The following CNTNAP2 variants were observed in gnomAD, a reference collection of about 807,000 sequenced individuals.
The protein encoded by CNTNAP2 is contactin associated protein 2.
In CNTNAP2, 98 loss-of-function variants were observed where a neutral mutation model predicts 155.2. The observed-to-expected ratio is 0.63, with a 90% CI of 0.54 to 0.75. The LOEUF is 0.75. Among genes scored for constraint, CNTNAP2 ranks in the 30% least tolerant of loss-of-function variants. The pLI is 0.00. For synonymous variants in CNTNAP2, 651 were observed against 631.2 expected (o/e 1.03, Z -0.47); for missense variants, 1,727 against 1,688.1 (o/e 1.02, Z -0.40).
At chr7:146,704,086 TAAGAG>T (rs1294400357) in intron 1 of CNTNAP2, among the ~76,000 whole-genome samples, 1 of 152,158 alleles carries the variant, frequency 6.6e-6, no homozygotes, top group African/African-American at 2.4e-5. Context: ...AATGCAGCTC[TAAGAG>T]AAAAGAACAA....
intron 1 of CNTNAP2, among the ~76,000 whole-genome samples, chr7:146,622,523 A>G (rs1347365880): frequency 6.6e-6 from 1 of 152,084 alleles, no homozygotes; most frequent in Non-Finnish European, 1.5e-5. Context: ...GTTTGTATGT[A>G]TATTCATCTG....
At chr7:148,113,313 A>G (rs755519831) in intron 15 of CNTNAP2, among the ~76,000 whole-genome samples, 12 of 152,266 alleles carry the variant, frequency 7.9e-5, no homozygotes, top group Middle Eastern at 3.4e-3. Flanking sequence ...GGAGCAAGAG[A>G]GAGAAGGGAA....
At position 148,367,239 on chromosome 7, in the gene CNTNAP2, AT is replaced by A. The variant is rs201170889; in HGVS notation, c.3476-16409del. On this transcript the variant is annotated intron_variant, in intron 21 of 23. Coordinates refer to ENST00000361727, the MANE Select transcript of CNTNAP2 (RefSeq NM_014141.6). ...AACAAGACTCTGTCTCAAAAAAAAA[AT>A]AAAAGAAAAGAAAAACCATCACATA... Among the ~76,000 whole-genome samples, 636 of 150,056 alleles carry A rather than the reference AT, an allele frequency of 4.2e-3. 1 individual carries two copies. The highest frequency in any genetic ancestry group is 0.013 in the African/African-American group (535 of 40,892).
chr7:147,954,803 G>A (rs1800992127), intron 14 of CNTNAP2, among the ~76,000 whole-genome samples: 1 of 152,166 alleles, frequency 6.6e-6, no homozygotes, highest in Non-Finnish European at 1.5e-5. Context: ...CGAGAGTCTA[G>A]TTAGAGTGAG....
At chr7:146,698,827 C>G (rs1450086216) in intron 1 of CNTNAP2, among the ~76,000 whole-genome samples, 1 of 152,000 alleles carries the variant, frequency 6.6e-6, no homozygotes, top group African/African-American at 2.4e-5. Context: ...CATTTTTTTA[C>G]TCTTTACATT....
At chr7:147,138,118 A>G (rs1344325862) in intron 8 of CNTNAP2, among the ~76,000 whole-genome samples, 1 of 151,958 alleles carries the variant, frequency 6.6e-6, no homozygotes, top group Non-Finnish European at 1.5e-5. Context: ...ATGGGCTTGT[A>G]GATATCTAAA....
At chr7:146,197,097 T>G (rs1798788159) in intron 1 of CNTNAP2, among the ~76,000 whole-genome samples, 1 of 152,164 alleles carries the variant, frequency 6.6e-6, no homozygotes, top group Admixed American at 6.5e-5. Context: ...ATCTGCAATA[T>G]TATACAGGTT....
chr7:146,683,797 A>T (rs1800546812), intron 1 of CNTNAP2, among the ~76,000 whole-genome samples: 1 of 152,184 alleles, frequency 6.6e-6, no homozygotes, highest in Admixed American at 6.5e-5. Flanking sequence ...TCATGCTCTT[A>T]AGTGATGTAT....
intron 16 of CNTNAP2, among the ~76,000 whole-genome samples, chr7:148,122,656 A>G (rs951732612): frequency 3.9e-5 from 6 of 152,134 alleles, no homozygotes; most frequent in African/African-American, 1.4e-4. Flanking sequence ...GCGTAACTTG[A>G]TCAGGTTTGC....
At chr7:148,058,969 T>C (rs1354895980) in intron 15 of CNTNAP2, among the ~76,000 whole-genome samples, 2 of 151,996 alleles carry the variant, frequency 1.3e-5, no homozygotes, top group Admixed American at 6.6e-5. Context: ...TACATGGGTG[T>C]GTCACTTTAT....
At chr7:146,204,727 A>G (rs1277783144) in intron 1 of CNTNAP2, among the ~76,000 whole-genome samples, 1 of 152,116 alleles carries the variant, frequency 6.6e-6, no homozygotes, top group African/African-American at 2.4e-5. Context: ...TATTAAAAAT[A>G]TCAGCTCATA....
chr7:146,642,477 A>G (rs1173394663), intron 1 of CNTNAP2, among the ~76,000 whole-genome samples: 2 of 151,904 alleles, frequency 1.3e-5, no homozygotes. Context: ...GTCCCTACAA[A>G]GGACATGAAC....
intron 13 of CNTNAP2, among the ~76,000 whole-genome samples, chr7:147,745,249 A>G (rs1237328338): frequency 3.3e-5 from 5 of 152,338 alleles, no homozygotes; most frequent in South Asian, 2.1e-4. Flanking sequence ...AAAGAGCTCT[A>G]CAAGGATAAG....
intron 11 of CNTNAP2, among the ~76,000 whole-genome samples, chr7:147,538,083 A>G (rs529832766): frequency 6.6e-6 from 1 of 152,336 alleles, no homozygotes; most frequent in South Asian, 2.1e-4. Flanking sequence ...CATGAACTCC[A>G]TGAAGCTTTT....
chr7:148,194,343 C>G (rs1795242636), intron 18 of CNTNAP2, among the ~76,000 whole-genome samples: 1 of 152,008 alleles, frequency 6.6e-6, no homozygotes, highest in African/African-American at 2.4e-5. Context: ...GTGATCTACC[C>G]TATGTATAAA....
At position 146,985,370 on chromosome 7, in the gene CNTNAP2, T is replaced by C. The variant is rs1798097311; in HGVS notation, c.403-58537T>C. On this transcript the variant is annotated intron_variant, in intron 3 of 23. Coordinates refer to ENST00000361727, the MANE Select transcript of CNTNAP2 (RefSeq NM_014141.6). Reference sequence around the variant, plus strand: ...TCTTGCTCTGTCTCCCAGGCTGAAGTGCAGTGGTGCAGTCTCGGCTCACTG... The same window carrying C: ...TCTTGCTCTGTCTCCCAGGCTGAAGCGCAGTGGTGCAGTCTCGGCTCACTG... Among the ~76,000 whole-genome samples the C allele has an allele frequency of 6.2e-5, 9 of 145,946 alleles. No individual in the cohort carries two copies. The South Asian group carries it at 1.7e-3, about 28-fold the overall frequency.
At chr7:147,966,617 G>T (rs914381434) in intron 14 of CNTNAP2, among the ~76,000 whole-genome samples, 19 of 152,182 alleles carry the variant, frequency 1.2e-4, no homozygotes, top group Admixed American at 9.8e-4. Context: ...CCCTCCTTGG[G>T]TGACATAAGA....
intron 18 of CNTNAP2, among the ~76,000 whole-genome samples, chr7:148,208,961 T>C (rs1460201968): frequency 6.6e-6 from 1 of 152,124 alleles, no homozygotes; most frequent in Non-Finnish European, 1.5e-5. Context: ...GGCCCTCCTG[T>C]CTTCTCTCTT....
chr7:147,300,688 T>C (rs1291748126), intron 9 of CNTNAP2, among the ~76,000 whole-genome samples: 1 of 152,166 alleles, frequency 6.6e-6, no homozygotes, highest in Non-Finnish European at 1.5e-5. Context: ...AATTCAGTAG[T>C]AATTTGCTGA....
Sources: gnomAD v4.1 joint callset for allele counts (sites outside exome capture counted in the v4.1 genomes callset) on GRCh38, gnomAD v4.1.1 for gene constraint, MANE v1.5 for transcripts, NCBI Gene and HGNC (gene_info 2026-07-23, HGNC 2026-07-21) for gene names.